SPATA16: variants seen among roughly 807,000 people sequenced by gnomAD.
SPATA16 encodes spermatogenesis associated 16, also known as spermatogenesis-associated protein 16.
A neutral mutation model predicts 63.3 loss-of-function variants in SPATA16; 36 were observed. The ratio of observed to expected loss-of-function variants is 0.57; its 90% CI spans 0.44 to 0.75. The LOEUF is 0.75. SPATA16 is among the 30% of genes least tolerant of loss of function. The pLI, the probability that SPATA16 is intolerant of heterozygous loss-of-function variation, is 0.00. For synonymous variants in SPATA16, 203 were observed against 216.7 expected, an observed-to-expected ratio of 0.94 and a Z score of 0.56; for missense variants, 646 against 679.3, an observed-to-expected ratio of 0.95 and a Z score of 0.54.
chr3:172,932,382 T>G (rs1216837019), intron 6 of SPATA16, among the ~76,000 whole-genome samples: 1 of 152,334 alleles, frequency 6.6e-6, no homozygotes, highest in East Asian at 1.9e-4. Flanking sequence ...AACAAAATGT[T>G]CTGACATTTA....
At chr3:173,137,822 AACACACACACACACACACACACAC>A (rs1185263699) in intron 1 of SPATA16, among the ~76,000 whole-genome samples, 1 of 122,284 alleles carries the variant, frequency 8.2e-6, no homozygotes. Context: ...ATGGACTCTC[AACACACACACACACACACACACAC>A]ACACACACAC....
At chr3:173,002,639 A>G (rs1370574003) in intron 4 of SPATA16, among the ~76,000 whole-genome samples, 1 of 152,198 alleles carries the variant, frequency 6.6e-6, no homozygotes, top group African/African-American at 2.4e-5. Context: ...AAAAAGAATC[A>G]GTTGGAGAGA....
intron 5 of SPATA16, among the ~76,000 whole-genome samples, chr3:172,959,481 T>C (rs991847329): frequency 6.6e-6 from 1 of 152,132 alleles, no homozygotes; most frequent in Non-Finnish European, 1.5e-5. Flanking sequence ...GGTTCTTCCA[T>C]GGATTCTGCT....
chr3:173,079,965 G>T (rs1046116261), intron 2 of SPATA16, among the ~76,000 whole-genome samples: 3 of 152,044 alleles, frequency 2.0e-5, no homozygotes, highest in African/African-American at 7.2e-5. Flanking sequence ...ATAAAAATAC[G>T]CAATGCCTAA....
At chr3:173,085,030 G>C (rs765155030) in intron 2 of SPATA16, among the ~76,000 whole-genome samples, 1 of 152,068 alleles carries the variant, frequency 6.6e-6, no homozygotes, top group Non-Finnish European at 1.5e-5. Flanking sequence ...GAATTTTAAA[G>C]TAGTTTTTTC....
intron 2 of SPATA16, among the ~76,000 whole-genome samples, chr3:173,071,034 A>G (rs1347250123): frequency 6.6e-6 from 1 of 152,224 alleles, no homozygotes; most frequent in African/African-American, 2.4e-5. Flanking sequence ...ATAAAGCTGG[A>G]GACGCCATAT....
intron 4 of SPATA16, among the ~76,000 whole-genome samples, chr3:172,995,802 A>G (rs547861663): frequency 7.9e-4 from 120 of 152,210 alleles, no homozygotes; most frequent in African/African-American, 2.6e-3. Flanking sequence ...AAAAGTTACA[A>G]AACAGTACAT....
intron 7 of SPATA16, 130 bp from the exon 8 acceptor site, chr3:172,924,447 C>A: frequency 1.4e-6 from 1 of 700,228 alleles, no homozygotes; most frequent in Non-Finnish European, 2.4e-6. Context: ...GAAACTAGTC[C>A]CATCCCTAGA....
intron 7 of SPATA16, among the ~76,000 whole-genome samples, 158 bp downstream of exon 7, chr3:172,925,188 G>A (rs899766910): frequency 6.6e-6 from 1 of 152,128 alleles, no homozygotes; most frequent in Non-Finnish European, 1.5e-5. Flanking sequence ...GATTGTGTGT[G>A]TTCTTGGGGA....
In SPATA16 at chr3:172,925,485, T is replaced by C; in HGVS notation, c.1089A>G (p.Gln363=). 2 of 1,614,020 alleles carry C rather than the reference T, an allele frequency of 1.2e-6. No individual in the cohort carries two copies. Among genetic ancestry groups the C allele is most frequent in the Non-Finnish European group, 1.7e-6 (2 of 1,179,916 alleles). ...CTGTCTGAGGCAACATGTGGAGTGCTTGAAGATCTGAAATATGACAGAAAG... is the reference window on the plus strand; with the variant it reads ...CTGTCTGAGGCAACATGTGGAGTGCCTGAAGATCTGAAATATGACAGAAAG... ...AYAEYMYTDL[Q]ALHMLPQTVD... The change falls in exon 7 of 11, where the codon CAA becomes CAG. Residue 363 remains glutamine, a synonymous_variant. Transcript: ENST00000351008.
At chr3:173,016,224 G>T (rs1293244567) in intron 4 of SPATA16, among the ~76,000 whole-genome samples, 3 of 152,040 alleles carry the variant, frequency 2.0e-5, no homozygotes. Flanking sequence ...ACTTTCTTCT[G>T]GTAGAATGTT....
chr3:173,126,657 G>T (rs186906241), intron 1 of SPATA16, among the ~76,000 whole-genome samples: 57 of 152,272 alleles, frequency 3.7e-4, no homozygotes, highest in African/African-American at 1.3e-3. Context: ...ACTCAGTATT[G>T]TAGAAGTATA....
At chr3:172,938,710 G>A (rs1427145971) in intron 6 of SPATA16, among the ~76,000 whole-genome samples, 1 of 152,084 alleles carries the variant, frequency 6.6e-6, no homozygotes, top group Non-Finnish European at 1.5e-5. Context: ...CAAAAATATA[G>A]TAATAGCTTA....
At chr3:173,120,639 TATAA>T (rs1430252355) in intron 1 of SPATA16, among the ~76,000 whole-genome samples, 1 of 152,176 alleles carries the variant, frequency 6.6e-6, no homozygotes, top group African/African-American at 2.4e-5. Context: ...CTTTAACACA[TATAA>T]ATGCATAAAG....
Position 173,131,561 on chromosome 3 carries a change from G to T in SPATA16, c.-19+9542C>A, listed in dbSNP as rs187556410. ...ATATGTGGCAAGCCTCAAACACAGA[G>T]CTCTTTTACCACTCAGAAAAGAAAG... On this transcript the variant is annotated intron_variant, in intron 1 of 10. Transcript: ENST00000351008. Among the ~76,000 whole-genome samples the T allele has an allele frequency of 1.5e-4, 23 of 152,274 alleles. 1 individual carries two copies. The East Asian group carries it at 4.4e-3, about 29-fold the overall frequency.
At position 173,117,739 on chromosome 3, in the gene SPATA16, G is replaced by A. The variant is rs866810070; in HGVS notation, c.-8C>T. 9.3e-6 allele frequency: 15 copies of A among 1,614,054 alleles called. No homozygotes were observed. In the Middle Eastern group the frequency reaches 8.2e-4, roughly 89 times the overall value. ...ACTGCTTCCTGCATCCATCGATCCT[G>A]CCCAAAACTCCTGCAGGGGGGAGAA... On this transcript the variant is annotated 5_prime_UTR_variant, in exon 2 of 11. Coordinates refer to ENST00000351008, the MANE Select transcript of SPATA16 (RefSeq NM_031955.6).
At chr3:172,997,245 T>G (rs1048294318) in intron 4 of SPATA16, among the ~76,000 whole-genome samples, 13 of 151,964 alleles carry the variant, frequency 8.6e-5, no homozygotes, top group Admixed American at 2.6e-4. Context: ...CTGTACCATT[T>G]TGCATTCCCA....
At chr3:173,134,448 C>T (rs1342127337) in intron 1 of SPATA16, among the ~76,000 whole-genome samples, 1 of 151,682 alleles carries the variant, frequency 6.6e-6, no homozygotes, top group Non-Finnish European at 1.5e-5. Context: ...AAGATTGCAC[C>T]ACTGCACTCC....
chr3:173,068,133 AC>A (rs1736567812), intron 2 of SPATA16, among the ~76,000 whole-genome samples: 1 of 152,234 alleles, frequency 6.6e-6, no homozygotes, highest in Non-Finnish European at 1.5e-5. Context: ...TTAATGTATA[AC>A]AAGAAATCAT....
Sources: allele counts gnomAD v4.1 joint callset (sites outside exome capture counted in the v4.1 genomes callset), GRCh38; gene constraint gnomAD v4.1.1; transcripts MANE v1.5; gene names NCBI Gene and HGNC (gene_info 2026-07-23, HGNC 2026-07-21).